Variants in ARHGAP21 observed in about 807,000 individuals in gnomAD.
The protein encoded by ARHGAP21 is rho GTPase-activating protein 21.
A neutral mutation model predicts 164.6 loss-of-function variants in ARHGAP21; 38 were observed. The observed-to-expected ratio is 0.23, with a 90% confidence interval of 0.18 to 0.30. The LOEUF (loss-of-function observed/expected upper bound fraction) is 0.30. Among genes scored for constraint, ARHGAP21 ranks in the 10% least tolerant of loss-of-function variants. The pLI is 1.00. For missense variants in ARHGAP21, 1,822 were observed against 2,370.7 expected (o/e 0.77, Z 4.81); for synonymous variants, 766 against 857.9 (o/e 0.89, Z 1.87).
At chr10:24,657,055 G>C (rs1172730750) in intron 4 of ARHGAP21, among the ~76,000 whole-genome samples, 7 of 48,148 alleles carry the variant, frequency 1.5e-4, no homozygotes, top group Admixed American at 3.1e-4. Flanking sequence ...CAGCCGCCCC[G>C]TCCGGGAGGG....
At chr10:24,692,664 T>G (rs1842847101) in intron 2 of ARHGAP21, among the ~76,000 whole-genome samples, 1 of 152,018 alleles carries the variant, frequency 6.6e-6, no homozygotes, top group South Asian at 2.1e-4. Context: ...GAACCCCATC[T>G]CTACTAAAAA....
At chr10:24,587,811 T>A (rs182136659) in intron 25 of ARHGAP21, among the ~76,000 whole-genome samples, 2 of 152,252 alleles carry the variant, frequency 1.3e-5, no homozygotes, top group East Asian at 3.9e-4. Context: ...TATGATCATA[T>A]ATGTGTTGAG....
intron 2 of ARHGAP21, among the ~76,000 whole-genome samples, chr10:24,672,542 C>T (rs1840812204): frequency 6.6e-6 from 1 of 152,178 alleles, no homozygotes; most frequent in Admixed American, 6.5e-5. Flanking sequence ...TAACCCAAGC[C>T]TCTCTCCAAC....
rs374821928 is a variant in ARHGAP21, at chr10:24,589,254, T to C, written c.4182+17A>G. 3 of 1,595,456 alleles carry C rather than the reference T, an allele frequency of 1.9e-6. No individual in the cohort carries two copies. The highest frequency in any genetic ancestry group is 2.6e-6 in the Non-Finnish European group (3 of 1,165,670). ...AATTCCCCCCTAAAATATTTCAAAT[T>C]GTATGAAACAATTTACCTTAGATTT... On this transcript the variant is annotated intron_variant, in intron 25 of 25. Coordinates refer to ENST00000396432, the MANE Select transcript of ARHGAP21 (RefSeq NM_020824.4).
intron 4 of ARHGAP21, among the ~76,000 whole-genome samples, chr10:24,642,542 A>C (rs1837180271): frequency 6.6e-6 from 1 of 151,800 alleles, no homozygotes; most frequent in African/African-American, 2.4e-5. Context: ...AAAAGGAAGA[A>C]ACAAAATCCT....
At chr10:24,622,564 T>A (rs1834689935) in intron 8 of ARHGAP21, among the ~76,000 whole-genome samples, 169 bp downstream of exon 8, 1 of 146,882 alleles carries the variant, frequency 6.8e-6, no homozygotes, top group Admixed American at 6.9e-5. Flanking sequence ...AAATAAAAAA[T>A]AAGGATGGCA....
In ARHGAP21 at chr10:24,584,602, G is replaced by A; in HGVS notation, c.5687C>T (p.Thr1896Ile). ...AGCCAAGGTGCTGGAAGAACTGCCT[G>A]TGTTGCAATGAAGAGACAAAGGTGT... ...TDTPLSLHCN[T>I]GSSSSTLAST... The change falls in exon 26 of 26, where the codon ACA (threonine) becomes ATA (isoleucine). Residue 1896 changes from threonine (T) to isoleucine (I), a missense_variant. Thr to Ile is a moderately conservative substitution (Grantham distance 89). Transcript: ENST00000396432. The A allele has an allele frequency of 6.2e-7, 1 of 1,613,962 alleles. No homozygotes were observed. Among genetic ancestry groups the A allele is most frequent in the Non-Finnish European group, 8.5e-7 (1 of 1,179,858 alleles).
chr10:24,602,912 T>C (rs2076873295), intron 12 of ARHGAP21, among the ~76,000 whole-genome samples: 1 of 152,154 alleles, frequency 6.6e-6, no homozygotes, highest in African/African-American at 2.4e-5. Flanking sequence ...TCTGAAATAC[T>C]TGGCTTCATC....
In ARHGAP21 at chr10:24,604,323, T is replaced by C; in HGVS notation, c.2710A>G (p.Lys904Glu). ...ACTCTAATACCAACCTTGATTCCCT[T>C]CAGACTAGATACGTGCTTAAAGGAC... Reference protein sequence around the residue: ...KLSFKHVSSLKGIKIADSQKS... With the variant: ...KLSFKHVSSLEGIKIADSQKS... Residue 904 changes from lysine (K) to glutamate (E), a missense_variant, in exon 12 of 26, where the codon AAG becomes GAG. Lys to Glu is a moderately conservative substitution (Grantham distance 56). Around this residue, in one of 5 missense-constraint regions of ARHGAP21, gnomAD observed 1,090 missense variants for 1,378.9 expected, o/e 0.79. Coordinates refer to ENST00000396432, the MANE Select transcript of ARHGAP21 (RefSeq NM_020824.4). 6.3e-7 allele frequency: 1 copy of C among 1,591,842 alleles called. No homozygotes were observed. The highest frequency in any genetic ancestry group is 8.5e-7 in the Non-Finnish European group (1 of 1,169,874).
intron 6 of ARHGAP21, among the ~76,000 whole-genome samples, chr10:24,630,854 C>T (rs960550120): frequency 1.3e-5 from 2 of 152,302 alleles, no homozygotes; most frequent in Non-Finnish European, 2.9e-5. Context: ...TGAAGGAAAT[C>T]GCTTTACTGT....
chr10:24,608,035 G>C, intron 9 of ARHGAP21, 132 bp from the exon 10 acceptor site: 1 of 708,858 alleles, frequency 1.4e-6, no homozygotes, highest in Non-Finnish European at 2.1e-6. Flanking sequence ...ATCACTAAAT[G>C]ACCTATTCAG....
At chr10:24,700,367 A>G (rs1270991172) in intron 2 of ARHGAP21, among the ~76,000 whole-genome samples, 4 of 152,288 alleles carry the variant, frequency 2.6e-5, no homozygotes, top group African/African-American at 9.6e-5. Flanking sequence ...GCACACCCAC[A>G]ACGCTACAGA....
chr10:24,689,946 A>ATGTG (rs58990664), intron 2 of ARHGAP21, among the ~76,000 whole-genome samples: 1 of 76,550 alleles, frequency 1.3e-5, no homozygotes, highest in Admixed American at 1.4e-4. Context: ...ATATATGTAT[A>ATGTG]TGTGTGTGTG....
In ARHGAP21 at chr10:24,604,366, T is replaced by G. The variant is rs1427679287; in HGVS notation, c.2685-18A>C. On this transcript the variant is annotated intron_variant, in intron 11 of 25. Coordinates refer to ENST00000396432, the MANE Select transcript of ARHGAP21 (RefSeq NM_020824.4). ...TAAAGGACCTGTTGGGGAAAAAATATATAAATATTTTCAATTAGTGCAAAA... is the reference window on the plus strand; with the variant it reads ...TAAAGGACCTGTTGGGGAAAAAATAGATAAATATTTTCAATTAGTGCAAAA... 1 of 1,563,600 alleles carries G rather than the reference T, an allele frequency of 6.4e-7. No homozygotes were observed. The highest frequency in any genetic ancestry group is 1.8e-5 in the Admixed American group (1 of 54,256).
chr10:24,670,166 T>G, intron 3 of ARHGAP21, 52 bp downstream of exon 3: 3 of 1,337,196 alleles, frequency 2.2e-6, no homozygotes, highest in Non-Finnish European at 3.0e-6. Flanking sequence ...TAGAAGGGGA[T>G]AGGAATGGCC....
rs190496404 is a variant in ARHGAP21 at position 24,658,389 on chromosome 10, T to C, written c.268+8596A>G. On this transcript the variant is annotated intron_variant, in intron 4 of 25. Coordinates refer to ENST00000396432, the MANE Select transcript of ARHGAP21 (RefSeq NM_020824.4). ...ACACATGCACACACACATATGTTTATTGCGGCACTATTCACAATAGCAAAG... is the reference window on the plus strand; with the variant it reads ...ACACATGCACACACACATATGTTTACTGCGGCACTATTCACAATAGCAAAG... 1.7e-3 allele frequency among the ~76,000 whole-genome samples: 257 copies of C among 152,306 alleles called. 5 individuals are homozygous for C. In the East Asian group the frequency reaches 0.038, roughly 22 times the overall value.
intron 2 of ARHGAP21, among the ~76,000 whole-genome samples, chr10:24,713,669 C>G (rs1329902953): frequency 6.7e-6 from 1 of 149,890 alleles, no homozygotes; most frequent in African/African-American, 2.5e-5. Flanking sequence ...ATGGGGGTCT[C>G]CCTATTTGGT....
At chr10:24,695,692 T>C (rs550466326) in intron 2 of ARHGAP21, among the ~76,000 whole-genome samples, 1 of 152,350 alleles carries the variant, frequency 6.6e-6, no homozygotes, top group South Asian at 2.1e-4. Context: ...TTTCTTCTTA[T>C]GAAGCCAGCT....
At position 24,620,443 on chromosome 10, in the gene ARHGAP21, T is replaced by A; in HGVS notation, c.1452A>T (p.Pro484=). 3 of 1,610,808 alleles carry A rather than the reference T, an allele frequency of 1.9e-6. No homozygotes were observed. The highest frequency in any genetic ancestry group is 2.5e-6 in the Non-Finnish European group (3 of 1,177,374). ...TTCTATGATTACTAAAACTAACAGA[T>A]GGAGACGTCAGTGCTCCTTGAGATG... ...RSASQGALTS[P]SVSFSNHRTR... is the part of the protein sequence containing the mutation. Residue 484 remains proline (P), a synonymous_variant, in exon 9 of 26, where the codon CCA becomes CCT. Coordinates refer to ENST00000396432, the MANE Select transcript of ARHGAP21 (RefSeq NM_020824.4).
Sources: allele counts gnomAD v4.1 joint callset (sites outside exome capture counted in the v4.1 genomes callset), GRCh38; gene constraint gnomAD v4.1.1; regional missense constraint gnomAD v4.1.1; transcripts MANE v1.5; gene names NCBI Gene and HGNC (gene_info 2026-07-23, HGNC 2026-07-21).